The following VGLL3 variants were observed in gnomAD, a reference collection of about 807,000 sequenced individuals.
VGLL3 encodes vestigial like family member 3, also known as transcription cofactor vestigial-like protein 3.
VGLL3 carries 18 observed loss-of-function variants against 29.2 expected under a neutral mutation model. That is an observed-to-expected ratio of 0.62 (90% CI 0.43 to 0.91). The LOEUF (loss-of-function observed/expected upper bound fraction) is 0.91. Ranked by LOEUF, VGLL3 falls within the 40% of genes least tolerant of loss-of-function variation. The pLI, the probability that VGLL3 is intolerant of heterozygous loss-of-function variation, is 0.00. For missense variants in VGLL3, 440 were observed against 413.2 expected (o/e 1.06, Z -0.56); for synonymous variants, 180 against 151.8 (o/e 1.19, Z -1.36).
rs1208915798 is a variant in VGLL3 at position 86,957,848 on chromosome 3, A to G, written c.937+10742T>C. Among the ~76,000 whole-genome samples the G allele has an allele frequency of 5.3e-5, 8 of 152,058 alleles. No homozygotes were observed. The South Asian group carries it at 1.0e-3, about 20-fold the overall frequency. On this transcript the variant is annotated intron_variant, in intron 3 of 3. Transcript: ENST00000398399. ...TCTCTTTCAATGCATACATACAAATATGTACATAAATAAACATGTATATAT... is the reference window on the plus strand; with the variant it reads ...TCTCTTTCAATGCATACATACAAATGTGTACATAAATAAACATGTATATAT...
At position 86,968,870 on chromosome 3, in the gene VGLL3, G is replaced by A. The variant is rs753685586; in HGVS notation, c.657C>T (p.Tyr219=). The A allele has an allele frequency of 1.1e-5, 18 of 1,614,186 alleles. No homozygotes were observed. The highest frequency in any genetic ancestry group is 3.3e-4 in the Middle Eastern group (2 of 6,062). Residue 219 remains tyrosine, a synonymous_variant, in exon 3 of 4, where the codon TAC becomes TAT. Coordinates refer to ENST00000398399, the MANE Select transcript of VGLL3 (RefSeq NM_016206.4). ...YPLTSQVSPS[Y]SHMHDVYMRH... is the part of the protein sequence containing the mutation. ...GCATGTACACGTCATGCATATGGCT[G>A]TAGGATGGGCTCACCTGAGATGTCA...
At chr3:86,954,421 A>C (rs939792353) in intron 3 of VGLL3, among the ~76,000 whole-genome samples, 5 of 152,250 alleles carry the variant, frequency 3.3e-5, no homozygotes, top group African/African-American at 1.2e-4. Context: ...CAAAAACCAC[A>C]AACTCTCCTG....
intron 3 of VGLL3, among the ~76,000 whole-genome samples, chr3:86,947,967 C>T (rs1387113140): frequency 3.3e-5 from 5 of 151,154 alleles, no homozygotes; most frequent in African/African-American, 9.7e-5. Context: ...TTTTTCTTTC[C>T]AGCTTCATTG....
chr3:86,989,448 T>C (rs1395131729), intron 1 of VGLL3, among the ~76,000 whole-genome samples: 1 of 152,204 alleles, frequency 6.6e-6, no homozygotes, highest in African/African-American at 2.4e-5. Flanking sequence ...TCATAGTTCC[T>C]AAATTCTAAA....
intron 1 of VGLL3, among the ~76,000 whole-genome samples, chr3:86,985,853 T>G (rs1705428863): frequency 6.6e-6 from 1 of 152,128 alleles, no homozygotes; most frequent in African/African-American, 2.4e-5. Flanking sequence ...TTTAAAAAGT[T>G]AGTTGGACAC....
rs72916075 is a variant in VGLL3, at chr3:86,971,575, T to C, written c.404-2452A>G. On this transcript the variant is annotated intron_variant, in intron 2 of 3. Transcript: ENST00000398399. ...ATGACTTTGTTAAAATCACAATCTA[T>C]CCAAAAATACCACCTATAATCAGCC... Among the ~76,000 whole-genome samples, 649 of 152,298 alleles carry C rather than the reference T, an allele frequency of 4.3e-3. 4 individuals carry two copies. The highest frequency in any genetic ancestry group is 0.015 in the African/African-American group (620 of 41,564).
At chr3:86,967,425 C>T (rs1281535426) in intron 3 of VGLL3, among the ~76,000 whole-genome samples, 2 of 152,128 alleles carry the variant, frequency 1.3e-5, no homozygotes, top group Admixed American at 6.6e-5. Context: ...TGAACCCAGT[C>T]TCAATAGGAA....
intron 3 of VGLL3, among the ~76,000 whole-genome samples, chr3:86,966,968 G>T (rs554980163): frequency 6.6e-6 from 1 of 151,444 alleles, no homozygotes; most frequent in Admixed American, 6.6e-5. Flanking sequence ...ATTTCCAAAA[G>T]GTGTGAGAAT....
chr3:86,963,130 T>C (rs1225475503), intron 3 of VGLL3: 1 of 164,046 alleles, frequency 6.1e-6, no homozygotes, highest in African/African-American at 2.4e-5. Context: ...CACATGAGTG[T>C]TCATCACAGT....
At chr3:86,965,149 T>C (rs949660194) in intron 3 of VGLL3, among the ~76,000 whole-genome samples, 3 of 148,264 alleles carry the variant, frequency 2.0e-5, no homozygotes, top group Non-Finnish European at 3.0e-5. Context: ...AGAGCCAGAC[T>C]CCATCAAAAG....
intron 2 of VGLL3, among the ~76,000 whole-genome samples, chr3:86,972,264 G>A (rs1478846148): frequency 6.6e-6 from 1 of 152,040 alleles, no homozygotes; most frequent in Non-Finnish European, 1.5e-5. Context: ...ACTCCATAAA[G>A]ATTGAACAAA....
At chr3:86,988,567 A>G (rs1370791644) in intron 1 of VGLL3, among the ~76,000 whole-genome samples, 1 of 148,400 alleles carries the variant, frequency 6.7e-6, no homozygotes. Flanking sequence ...CTAAAAGAAC[A>G]GTAGTTACAC....
chr3:86,951,329 A>T (rs1000277791), intron 3 of VGLL3, among the ~76,000 whole-genome samples: 6 of 152,174 alleles, frequency 3.9e-5, no homozygotes, highest in African/African-American at 1.4e-4. Context: ...GAAATCTAAG[A>T]TCAAGTTTTC....
chr3:86,965,211 TC>T (rs1166339207), intron 3 of VGLL3, among the ~76,000 whole-genome samples: 1 of 152,116 alleles, frequency 6.6e-6, no homozygotes, highest in African/African-American at 2.4e-5. Flanking sequence ...CAACTTCTTC[TC>T]AAAATAGTTG....
intron 1 of VGLL3, among the ~76,000 whole-genome samples, chr3:86,980,571 T>G (rs547541832): frequency 6.6e-6 from 1 of 152,212 alleles, no homozygotes. Context: ...TCTGCACAGA[T>G]TTGAACATGT....
At chr3:86,982,299 G>A (rs963462369) in intron 1 of VGLL3, among the ~76,000 whole-genome samples, 1 of 151,702 alleles carries the variant, frequency 6.6e-6, no homozygotes, top group South Asian at 2.1e-4. Flanking sequence ...TGCCTGCCAC[G>A]ATGCCCAGCT....
chr3:86,970,637 T>C (rs990873519), intron 2 of VGLL3, among the ~76,000 whole-genome samples: 7 of 152,002 alleles, frequency 4.6e-5, no homozygotes, highest in African/African-American at 1.4e-4. Context: ...CTGGCCATGG[T>C]ACTGAATGTA....
At position 86,947,018 on chromosome 3, in the gene VGLL3, T is replaced by G. The variant is rs1411642494; in HGVS notation, c.*6A>C. 3 of 780,422 alleles carry G rather than the reference T, an allele frequency of 3.8e-6. No homozygotes were observed. The highest frequency in any genetic ancestry group is 7.2e-6 in the Non-Finnish European group (3 of 417,808). The allele number at this position is 780,422 out of a possible 1,614,324, so 48.3% of individuals were successfully genotyped here. On this transcript the variant is annotated 3_prime_UTR_variant, in exon 4 of 4. Coordinates refer to ENST00000398399, the MANE Select transcript of VGLL3 (RefSeq NM_016206.4). ...GCTGCAACTTAACTCACTAAGATTG[T>G]GTGTTTCAGTACCACGGTGATTCCT...
Position 86,944,160 on chromosome 3 carries a change from T to C in VGLL3, c.*2864A>G, listed in dbSNP as rs1051996030. On this transcript the variant is annotated 3_prime_UTR_variant, in exon 4 of 4. Coordinates refer to ENST00000398399, the MANE Select transcript of VGLL3 (RefSeq NM_016206.4). The stretch of plus-strand genomic sequence containing the variant: ...GCAATATGGTCCTAGAAGACAATTA[T>C]AGAGACATGCTCATTCTCTTTCTAT... 6.6e-6 allele frequency: 1 copy of C among 152,198 alleles called. No homozygotes were observed. The highest frequency in any genetic ancestry group is 1.5e-5 in the Non-Finnish European group (1 of 68,040). The allele number at this position is 152,198 out of a possible 1,614,324, so 9.4% of individuals were successfully genotyped here. A position where few individuals can be genotyped will look rare whatever the true frequency, so the allele number is the denominator to read the frequency against.
Sources: allele counts gnomAD v4.1 joint callset (sites outside exome capture counted in the v4.1 genomes callset), GRCh38; gene constraint gnomAD v4.1.1; transcripts MANE v1.5; gene names NCBI Gene and HGNC (gene_info 2026-07-23, HGNC 2026-07-21).